Variants in AOAH observed in about 807,000 individuals in gnomAD.
AOAH encodes acyloxyacyl hydrolase (neutrophil).
AOAH carries 64 observed loss-of-function variants against 92.2 expected under a neutral mutation model. The observed-to-expected ratio is 0.69, with a 90% confidence interval of 0.57 to 0.86. The LOEUF (loss-of-function observed/expected upper bound fraction) is 0.86, where lower values mean the gene tolerates loss of function less well. AOAH is among the 40% of genes least tolerant of loss of function. The pLI, the probability that AOAH is intolerant of heterozygous loss-of-function variation, is 0.00. For missense variants in AOAH, 656 were observed against 694.6 expected, an observed-to-expected ratio of 0.94 and a Z score of 0.62; for synonymous variants, 263 against 254.5, an observed-to-expected ratio of 1.03 and a Z score of -0.32.
At chr7:36,596,171 A>C (rs55939804) in intron 11 of AOAH, among the ~76,000 whole-genome samples, 38,849 of 115,122 alleles carry the variant, frequency 0.34, 6,053 homozygotes, top group African/African-American at 0.53. Context: ...AAGCCCCCCC[A>C]CCCCCCGTCA....
At chr7:36,705,021 A>G (rs530681207) in intron 1 of AOAH, among the ~76,000 whole-genome samples, 1 of 152,160 alleles carries the variant, frequency 6.6e-6, no homozygotes, top group South Asian at 2.1e-4. Flanking sequence ...TTTATGACAA[A>G]CCCACAGCCA....
chr7:36,563,344 G>A (rs1227582844), intron 13 of AOAH, among the ~76,000 whole-genome samples: 6 of 124,514 alleles, frequency 4.8e-5, no homozygotes, highest in Non-Finnish European at 1.1e-4. Context: ...GAGAACTAGA[G>A]GGTTTCTTCT....
At chr7:36,544,886 C>G (rs530734150) in intron 15 of AOAH, among the ~76,000 whole-genome samples, 65 of 152,282 alleles carry the variant, frequency 4.3e-4, no homozygotes, top group African/African-American at 1.6e-3. Context: ...TTCCTGGAAC[C>G]ATAGCTAAAG....
intron 1 of AOAH, among the ~76,000 whole-genome samples, chr7:36,709,306 C>T (rs1672830389): frequency 6.6e-6 from 1 of 152,128 alleles, no homozygotes; most frequent in African/African-American, 2.4e-5. Context: ...CTGGTTTTTG[C>T]AGCCAGTTCC....
rs538269797 is a variant in AOAH, at chr7:36,586,935, T to G, written c.938+7404A>C. On this transcript the variant is annotated intron_variant, in intron 12 of 20. Transcript: ENST00000617537. ...GAAGACAGGTAGATTCATGTGCTTC[T>G]GCATTCAGTCTGTTACGATGTTTTG... Among the ~76,000 whole-genome samples the G allele has an allele frequency of 1.2e-4, 19 of 152,308 alleles. No individual in the cohort carries two copies. In the South Asian group the frequency reaches 3.7e-3, roughly 30 times the overall value.
intron 12 of AOAH, among the ~76,000 whole-genome samples, chr7:36,592,950 C>A (rs1311909380): frequency 6.6e-6 from 1 of 152,158 alleles, no homozygotes; most frequent in Non-Finnish European, 1.5e-5. Context: ...CCTATATTGG[C>A]AGATTATTTC....
chr7:36,534,998 T>TTGTATC (rs1475706572), intron 16 of AOAH, among the ~76,000 whole-genome samples: 1 of 140,392 alleles, frequency 7.1e-6, no homozygotes, highest in African/African-American at 2.7e-5. Context: ...GTGTGTCTGC[T>TTGTATC]TGTGTGTATC....
chr7:36,682,760 C>A (rs6961245), intron 2 of AOAH, among the ~76,000 whole-genome samples: 21,875 of 151,410 alleles, frequency 0.14, 1,714 homozygotes, highest in Middle Eastern at 0.19. Context: ...TAGATGAGGT[C>A]TTAAGTGAAA....
At chr7:36,710,168 G>A (rs1014685509) in intron 1 of AOAH, among the ~76,000 whole-genome samples, 3 of 152,044 alleles carry the variant, frequency 2.0e-5, no homozygotes, top group South Asian at 2.1e-4. Flanking sequence ...TCACTTCCAC[G>A]GTTATATTCT....
chr7:36,659,694 T>G (rs1050568578), intron 3 of AOAH, among the ~76,000 whole-genome samples: 1 of 152,198 alleles, frequency 6.6e-6, no homozygotes, highest in Admixed American at 6.5e-5. Flanking sequence ...TAACCTTACT[T>G]TCTTAGGCAC....
rs748815676 is a variant in AOAH at position 36,516,515 on chromosome 7, C to A, written c.1600-3135G>T. On this transcript the variant is annotated intron_variant, in intron 20 of 20. Coordinates refer to ENST00000617537, the MANE Select transcript of AOAH (RefSeq NM_001637.4). This position sits in a 1 kb window ranked among gnomAD's most constrained non-coding sequence, Gnocchi z 5.0. ...AAGCGCACACAGCATTCACACCCCA[C>A]ATATACTTCTTTGCACTTAAAAGCA... 1.8e-4 allele frequency among the ~76,000 whole-genome samples: 28 copies of A among 151,822 alleles called. 1 individual carries two copies. The Middle Eastern group carries it at 0.014, about 74-fold the overall frequency.
In AOAH at chr7:36,594,341, A is replaced by G. The variant is rs1789949256; in HGVS notation, c.936T>C (p.Val312=). 3 of 1,612,884 alleles carry G rather than the reference A, an allele frequency of 1.9e-6. No homozygotes were observed. The African/African-American group carries it at 4.0e-5, about 22-fold the overall frequency. ...SGATGFLDST[V]GIKEKSIYLR... ...TGAGGGTGCACAAAGACACTTACCCAACAGTGGAGTCCAGAAATCCTGTAG... is the reference window on the plus strand; with the variant it reads ...TGAGGGTGCACAAAGACACTTACCCGACAGTGGAGTCCAGAAATCCTGTAG... The change falls in exon 12 of 21, where the codon GTT becomes GTC. Residue 312 remains valine (V), a splice_region_variant and synonymous_variant. Coordinates refer to ENST00000617537, the MANE Select transcript of AOAH (RefSeq NM_001637.4).
At position 36,548,535 on chromosome 7, in the gene AOAH, A is replaced by C. The variant is rs533089701; in HGVS notation, c.1133+77T>G. The stretch of plus-strand genomic sequence containing the variant: ...GCTGAACAGCAGGCTGCTATAATGG[A>C]GTGGAGTTGGTGAGGAGAGGGTGGG... On this transcript the variant is annotated intron_variant, in intron 15 of 20. Coordinates refer to ENST00000617537, the MANE Select transcript of AOAH (RefSeq NM_001637.4). 9.9e-5 allele frequency: 119 copies of C among 1,205,270 alleles called. No individual in the cohort carries two copies. In the Middle Eastern group the frequency reaches 3.4e-3, roughly 35 times the overall value. 74.7% of individuals were successfully genotyped at this position (1,205,270 alleles called of 1,614,324 possible).
chr7:36,581,936 T>C (rs1788956589), intron 12 of AOAH, among the ~76,000 whole-genome samples: 1 of 152,190 alleles, frequency 6.6e-6, no homozygotes. Context: ...AGGAACTGCA[T>C]TTCTCAAGGA....
chr7:36,637,930 G>A lies in AOAH; in HGVS notation c.391-20C>T, dbSNP rs965643887. The A allele has an allele frequency of 4.4e-6, 7 of 1,582,628 alleles. No homozygotes were observed. The African/African-American group carries it at 9.4e-5, about 21-fold the overall frequency. ...TGTCTCCTATAAAAACAAAGTTAGA[G>A]AACATTACAACTCATGTTTTATCTT... On this transcript the variant is annotated intron_variant, in intron 4 of 20. Coordinates refer to ENST00000617537, the MANE Select transcript of AOAH (RefSeq NM_001637.4).
chr7:36,703,043 C>T (rs1798125549), intron 1 of AOAH, among the ~76,000 whole-genome samples: 1 of 152,168 alleles, frequency 6.6e-6, no homozygotes, highest in Admixed American at 6.6e-5. Context: ...CAAAAAACAT[C>T]TTTATTTGCT....
chr7:36,588,153 T>A (rs1171934914), intron 12 of AOAH, among the ~76,000 whole-genome samples: 3 of 152,248 alleles, frequency 2.0e-5, no homozygotes, highest in Non-Finnish European at 4.4e-5. Context: ...AGGGAGGATG[T>A]CCCCCTCTTG....
At chr7:36,605,461 T>C (rs1213056002) in intron 11 of AOAH, among the ~76,000 whole-genome samples, 3 of 152,130 alleles carry the variant, frequency 2.0e-5, no homozygotes, top group African/African-American at 7.2e-5. Context: ...GACAAGAGAT[T>C]GTCCTCTAGT....
At chr7:36,712,976 T>G (rs1267607421) in intron 1 of AOAH, among the ~76,000 whole-genome samples, 3 of 152,092 alleles carry the variant, frequency 2.0e-5, no homozygotes, top group African/African-American at 7.2e-5. Context: ...AATTCACACA[T>G]AACAATATTA....
Sources: allele counts gnomAD v4.1 joint callset (sites outside exome capture counted in the v4.1 genomes callset), GRCh38; gene constraint gnomAD v4.1.1; non-coding constraint Gnocchi (gnomAD v3.1); transcripts MANE v1.5; gene names NCBI Gene and HGNC (gene_info 2026-07-23, HGNC 2026-07-21).